ERBB4: variants seen among roughly 807,000 people sequenced by gnomAD.
ERBB4 encodes erb-b2 receptor tyrosine kinase 4, also known as receptor tyrosine-protein kinase erbB-4.
Under a neutral mutation model 158.0 loss-of-function variants are expected in ERBB4, and 42 were observed. The ratio of observed to expected loss-of-function variants is 0.27; its 90% CI spans 0.21 to 0.34. The LOEUF (loss-of-function observed/expected upper bound fraction) is 0.34, where lower values mean the gene tolerates loss of function less well. Among genes scored for constraint, ERBB4 ranks in the 10% least tolerant of loss-of-function variants. The probability of loss-of-function intolerance (pLI) is 1.00; values close to 1 mark genes in which losing one functional copy is unlikely to be tolerated. For synonymous variants in ERBB4, 583 were observed against 558.7 expected (o/e 1.04, Z -0.61); for missense variants, 1,333 against 1,624.1 (o/e 0.82, Z 3.08).
In ERBB4 at chr2:212,006,486, C is replaced by T. The variant is rs535736538; in HGVS notation, c.235-58870G>A. On this transcript the variant is annotated intron_variant, in intron 2 of 27. Coordinates refer to ENST00000342788, the MANE Select transcript of ERBB4 (RefSeq NM_005235.3). ...TGAAATCATTCCAGATAACATGATT[C>T]CTATTATAATATACCTAGGGAAAAT... Among the ~76,000 whole-genome samples, 10 of 152,048 alleles carry T rather than the reference C, an allele frequency of 6.6e-5. No individual in the cohort carries two copies. In the East Asian group the frequency reaches 1.9e-3, roughly 29 times the overall value.
chr2:212,455,882 T>C (rs1025433055), intron 1 of ERBB4, among the ~76,000 whole-genome samples: 2 of 152,134 alleles, frequency 1.3e-5, no homozygotes, highest in African/African-American at 4.8e-5. Flanking sequence ...TGAGCACTTA[T>C]TATGTTCAAG....
chr2:211,813,447 T>G (rs1200567849), intron 3 of ERBB4, among the ~76,000 whole-genome samples: 1 of 152,216 alleles, frequency 6.6e-6, no homozygotes, highest in Non-Finnish European at 1.5e-5. Flanking sequence ...CCATGGCACA[T>G]TCTACACTTA....
intron 2 of ERBB4, among the ~76,000 whole-genome samples, chr2:212,066,911 G>A (rs1426174963): frequency 6.6e-6 from 1 of 151,862 alleles, no homozygotes; most frequent in East Asian, 1.9e-4. Flanking sequence ...AGAAACTGAT[G>A]GGTTTGTGAA....
rs72945062 is a variant in ERBB4 at position 211,680,818 on chromosome 2, G to A, written c.1490-1634C>T. Among the ~76,000 whole-genome samples, 177 of 152,258 alleles carry A rather than the reference G, an allele frequency of 1.2e-3. 2 individuals are homozygous for A. Among genetic ancestry groups the A allele is most frequent in the Non-Finnish European group, 2.0e-3 (135 of 68,004 alleles). ...AATAATCTCTTTCAGCATAGTTTAA[G>A]AGAGAAATGTGTGTGTATCTGTGTC... On this transcript the variant is annotated intron_variant, in intron 12 of 27. Coordinates refer to ENST00000342788, the MANE Select transcript of ERBB4 (RefSeq NM_005235.3).
At chr2:212,302,290 T>G (rs1219434460) in intron 1 of ERBB4, among the ~76,000 whole-genome samples, 1 of 151,394 alleles carries the variant, frequency 6.6e-6, no homozygotes, top group Non-Finnish European at 1.5e-5. Context: ...CCTGGAGTTA[T>G]TAGATATGTG....
chr2:211,524,183 T>C (rs2066270298), intron 20 of ERBB4, among the ~76,000 whole-genome samples: 1 of 152,062 alleles, frequency 6.6e-6, no homozygotes, highest in African/African-American at 2.4e-5. Context: ...AGTAGCTAGA[T>C]ACAGAGTGTC....
At position 211,378,286 on chromosome 2, in the gene ERBB4, T is replaced by C. The variant is rs16845990; in HGVS notation, c.*5329A>G. On this transcript the variant is annotated 3_prime_UTR_variant, in exon 28 of 28. Coordinates refer to ENST00000342788, the MANE Select transcript of ERBB4 (RefSeq NM_005235.3). Reference sequence around the variant, plus strand: ...TGAATACCCCCCGTGAAATTGGGGCTTAGAGTCATTTTAGCTTGTGACTAT... The same window carrying C: ...TGAATACCCCCCGTGAAATTGGGGCCTAGAGTCATTTTAGCTTGTGACTAT... 91,013 of 232,502 alleles carry C rather than the reference T, an allele frequency of 0.39. 18,313 individuals are homozygous for C. The highest frequency in any genetic ancestry group is 0.6 in the South Asian group (3,316 of 5,516). 14.4% of individuals were successfully genotyped at this position (232,502 alleles called of 1,614,324 possible).
At chr2:211,402,995 T>C (rs1574419994) in intron 25 of ERBB4, among the ~76,000 whole-genome samples, 1 of 152,212 alleles carries the variant, frequency 6.6e-6, no homozygotes, top group African/African-American at 2.4e-5. Flanking sequence ...GTTATAGGCC[T>C]GATGAAGAAC....
At chr2:211,417,541 GGTAA>G (rs1278201500) in intron 25 of ERBB4, among the ~76,000 whole-genome samples, 1 of 152,084 alleles carries the variant, frequency 6.6e-6, no homozygotes, top group African/African-American at 2.4e-5. Context: ...CTGTAAATTA[GGTAA>G]GTGTTTTCTA....
Position 211,379,390 on chromosome 2 carries a change from A to G in ERBB4, c.*4225T>C, listed in dbSNP as rs1207445177. ...AATACAATTTTCTTTACATTTAAAA[A>G]GTGATAAAGGAATAAGAGAATGAGA... On this transcript the variant is annotated 3_prime_UTR_variant, in exon 28 of 28. Coordinates refer to ENST00000342788, the MANE Select transcript of ERBB4 (RefSeq NM_005235.3). 6 of 228,798 alleles carry G rather than the reference A, an allele frequency of 2.6e-5. No individual in the cohort carries two copies. In the South Asian group the frequency reaches 7.3e-4, roughly 28 times the overall value. 14.2% of individuals were successfully genotyped at this position (228,798 alleles called of 1,614,324 possible).
chr2:211,487,227 A>G (rs185424755), intron 20 of ERBB4, among the ~76,000 whole-genome samples: 2 of 144,306 alleles, frequency 1.4e-5, no homozygotes, highest in East Asian at 2.1e-4. Context: ...ATTCCCACCT[A>G]TGAGTGAGAA....
chr2:212,097,296 C>CT, intron 2 of ERBB4, among the ~76,000 whole-genome samples: 1 of 152,042 alleles, frequency 6.6e-6, no homozygotes, highest in East Asian at 1.9e-4. Context: ...GCATAGTGTA[C>CT]TTTTATGAGG....
At chr2:212,231,702 C>T (rs1453365752) in intron 1 of ERBB4, among the ~76,000 whole-genome samples, 1 of 152,166 alleles carries the variant, frequency 6.6e-6, no homozygotes, top group Non-Finnish European at 1.5e-5. Flanking sequence ...CAGAACTATA[C>T]ATACTGCTGT....
chr2:211,883,462 T>A (rs752883036), intron 3 of ERBB4, among the ~76,000 whole-genome samples: 13 of 151,722 alleles, frequency 8.6e-5, no homozygotes, highest in South Asian at 6.2e-4. Context: ...ATAATAATAA[T>A]AAAAATAAAA....
rs569772892 is a variant in ERBB4 at position 212,187,184 on chromosome 2, AATACT to A, written c.83-62286_83-62282del. Among the ~76,000 whole-genome samples the A allele has an allele frequency of 4.6e-5, 7 of 152,186 alleles. No individual in the cohort carries two copies. The South Asian group carries it at 1.5e-3, about 32-fold the overall frequency. On this transcript the variant is annotated intron_variant, in intron 1 of 27. Transcript: ENST00000342788. ...ATCTAGACAAAAAATGCAGAATCACAATACTATACTATAATACATAAAACATTTGA... is the reference window on the plus strand; with the variant it reads ...ATCTAGACAAAAAATGCAGAATCACAATACTATAATACATAAAACATTTGA...
At chr2:212,204,421 GGCGCGGTGGCTC>G (rs2082675923) in intron 1 of ERBB4, among the ~76,000 whole-genome samples, 1 of 152,074 alleles carries the variant, frequency 6.6e-6, no homozygotes, top group Non-Finnish European at 1.5e-5. Flanking sequence ...TTGTGGGCCA[GGCGCGGTGGCTC>G]ACATTTGTAA....
In ERBB4 at chr2:212,332,219, T is replaced by C. The variant is rs546015442; in HGVS notation, c.82+206230A>G. On this transcript the variant is annotated intron_variant, in intron 1 of 27. Transcript: ENST00000342788. ...ATGGTAGTGAGTAAGCCTCACAAGA[T>C]CTGATGGTTTTATAAGGGGGAAACC... Among the ~76,000 whole-genome samples, 20 of 152,034 alleles carry C rather than the reference T, an allele frequency of 1.3e-4. No individual in the cohort carries two copies. In the South Asian group the frequency reaches 4.2e-3, roughly 32 times the overall value.
At chr2:212,191,603 T>TATAC (rs2082209706) in intron 1 of ERBB4, among the ~76,000 whole-genome samples, 1 of 142,276 alleles carries the variant, frequency 7.0e-6, no homozygotes, top group Non-Finnish European at 1.5e-5. Flanking sequence ...ACACATGTGT[T>TATAC]ATGCCTGTTA....
At chr2:211,408,137 A>T (rs1478503723) in intron 25 of ERBB4, among the ~76,000 whole-genome samples, 1 of 152,196 alleles carries the variant, frequency 6.6e-6, no homozygotes, top group Non-Finnish European at 1.5e-5. Context: ...ACTTCCAAAA[A>T]ATTTGAATAG....
Sources: gnomAD v4.1 joint callset for allele counts (sites outside exome capture counted in the v4.1 genomes callset) on GRCh38, gnomAD v4.1.1 for gene constraint, MANE v1.5 for transcripts, NCBI Gene and HGNC (gene_info 2026-07-23, HGNC 2026-07-21) for gene names.